Variants in MRPS23 observed in about 807,000 individuals in gnomAD.
MRPS23 encodes mitochondrial ribosomal protein S23.
MRPS23 carries 14 observed loss-of-function variants against 19.8 expected under a neutral mutation model. The ratio of observed to expected loss-of-function variants is 0.71; its 90% confidence interval spans 0.47 to 1.11. The LOEUF is 1.11. MRPS23 is among the 50% of genes least tolerant of loss of function. MRPS23 has a pLI of 0.00. For missense variants in MRPS23, 242 were observed against 236.7 expected (o/e 1.02, Z -0.15); for synonymous variants, 113 against 89.7 (o/e 1.26, Z -1.47).
Position 57,836,395 on chromosome 17 carries a change from A to G in MRPS23, c.*3388T>C, listed in dbSNP as rs551103796. The G allele has an allele frequency of 6.6e-6, 1 of 152,272 alleles. No homozygotes were observed. Among genetic ancestry groups the G allele is most frequent in the Admixed American group, 6.5e-5 (1 of 15,278 alleles). 9.4% of individuals were successfully genotyped at this position (152,272 alleles called of 1,614,324 possible). The stretch of plus-strand genomic sequence containing the variant: ...TGTAGGGGGTTCAGTAAGGGACTTG[A>G]TATTATGTATTTTCCGAGCACAGAC... On this transcript the variant is annotated 3_prime_UTR_variant, in exon 5 of 5. Coordinates refer to ENST00000313608, the MANE Select transcript of MRPS23 (RefSeq NM_016070.4).
At chr17:57,849,741 G>A in intron 1 of MRPS23, 2 of 616,606 alleles carry the variant, frequency 3.2e-6, no homozygotes, top group Non-Finnish European at 5.5e-6. Flanking sequence ...CTCGGGGAGA[G>A]GCAGCTGCAA....
At chr17:57,847,470 G>C (rs1011341280) in intron 2 of MRPS23, among the ~76,000 whole-genome samples, 1 of 151,768 alleles carries the variant, frequency 6.6e-6, no homozygotes, top group African/African-American at 2.4e-5. Flanking sequence ...AGACCATCCT[G>C]GCTAACACGG....
Position 57,843,495 on chromosome 17 carries a change from G to A in MRPS23, c.216-2235C>T, listed in dbSNP as rs1016624263. ...ATTTGGTGGTTGCTATGGACTAAAC[G>A]TGTCCCACCAAAATTACTATGTTGA... On this transcript the variant is annotated intron_variant, in intron 2 of 4. Transcript: ENST00000313608. Among the ~76,000 whole-genome samples, 28 of 152,118 alleles carry A rather than the reference G, an allele frequency of 1.8e-4. 1 individual carries two copies. The highest frequency in any genetic ancestry group is 1.5e-5 in the Non-Finnish European group (1 of 68,022).
At chr17:57,843,813 T>G in intron 2 of MRPS23, among the ~76,000 whole-genome samples, 1 of 152,248 alleles carries the variant, frequency 6.6e-6, no homozygotes, top group Non-Finnish European at 1.5e-5. Flanking sequence ...GTCTCTTTCT[T>G]AATGATTTCT....
At chr17:57,842,897 CA>C (rs2073749705) in intron 2 of MRPS23, among the ~76,000 whole-genome samples, 1 of 129,278 alleles carries the variant, frequency 7.7e-6, no homozygotes, top group South Asian at 2.5e-4. Flanking sequence ...TATATACACA[CA>C]CACACACACA....
chr17:57,839,830 G>A lies in MRPS23; in HGVS notation c.526C>T (p.His176Tyr). The stretch of plus-strand genomic sequence containing the variant: ...GACTGGTCTGCAGGTGCCTCCAAAT[G>A]CTGGTCCTGTGGAACTTCTTTCTGA... ...ETQKEVPQDQ[H>Y]LEAPADQSKG... The change falls in exon 5 of 5, where the codon CAT (histidine) becomes TAT (tyrosine). Residue 176 changes from histidine (H) to tyrosine (Y), a missense_variant. Physicochemically the swap from His to Tyr is moderately conservative, Grantham distance 83. Transcript: ENST00000313608. 6.2e-7 allele frequency: 1 copy of A among 1,614,178 alleles called. No homozygotes were observed. Among genetic ancestry groups the A allele is most frequent in the Non-Finnish European group, 8.5e-7 (1 of 1,180,030 alleles).
chr17:57,846,083 G>T (rs932441640), intron 2 of MRPS23, among the ~76,000 whole-genome samples: 5 of 146,046 alleles, frequency 3.4e-5, no homozygotes, highest in East Asian at 2.0e-4. Context: ...TGACATCTTT[G>T]TTTTTTTTTT....
intron 4 of MRPS23, chr17:57,840,719 C>T (rs2073734957): frequency 4.8e-6 from 2 of 418,670 alleles, no homozygotes; most frequent in Admixed American, 4.3e-5. Context: ...ATAGCATTTA[C>T]AATGTGTTAT....
chr17:57,842,881 T>A (rs943861390), intron 2 of MRPS23, among the ~76,000 whole-genome samples: 6,807 of 64,798 alleles, frequency 0.11, 302 homozygotes, highest in African/African-American at 0.13. Flanking sequence ...AAAAAAAAAA[T>A]ATATATATAT....
At chr17:57,847,046 C>T (rs1244278146) in intron 2 of MRPS23, among the ~76,000 whole-genome samples, 1 of 151,336 alleles carries the variant, frequency 6.6e-6, no homozygotes, top group East Asian at 1.9e-4. Flanking sequence ...ACCTGTAATC[C>T]CAACACTTTG....
intron 2 of MRPS23, among the ~76,000 whole-genome samples, chr17:57,846,233 C>A (rs1289064436): frequency 6.9e-6 from 1 of 144,054 alleles, no homozygotes; most frequent in Non-Finnish European, 1.5e-5. Context: ...TGGCCAGCCG[C>A]CCCGTCCGGG....
Position 57,834,807 on chromosome 17 carries a change from T to C in MRPS23, c.*4976A>G, listed in dbSNP as rs1178318978. On this transcript the variant is annotated 3_prime_UTR_variant, in exon 5 of 5. Coordinates refer to ENST00000313608, the MANE Select transcript of MRPS23 (RefSeq NM_016070.4). ...TTTTAAGTGGCACGCCATCATTTAT[T>C]TACAGAGAAAGGTATCACTTTAACA... 2 of 152,210 alleles carry C rather than the reference T, an allele frequency of 1.3e-5. No individual in the cohort carries two copies. 9.4% of individuals were successfully genotyped at this position (152,210 alleles called of 1,614,324 possible). A position where few individuals can be genotyped will look rare whatever the true frequency, so the allele number is the denominator to read the frequency against.
chr17:57,849,850 C>T (rs2073800488), intron 1 of MRPS23, 117 bp downstream of exon 1: 2 of 1,282,256 alleles, frequency 1.6e-6, no homozygotes, highest in African/African-American at 1.5e-5. Flanking sequence ...CAGCTCAGCC[C>T]CCGCACCCTG....
At chr17:57,844,294 C>A (rs1391261695) in intron 2 of MRPS23, among the ~76,000 whole-genome samples, 1 of 150,456 alleles carries the variant, frequency 6.6e-6, no homozygotes, top group Non-Finnish European at 1.5e-5. Context: ...CATGCACAAC[C>A]ACTCTATAAG....
chr17:57,846,389 C>T (rs2073775833), intron 2 of MRPS23, among the ~76,000 whole-genome samples: 1 of 152,202 alleles, frequency 6.6e-6, no homozygotes, highest in African/African-American at 2.4e-5. Context: ...AGCCCCTCTG[C>T]CCGGCCGCCA....
At chr17:57,841,888 A>C (rs577955601) in intron 2 of MRPS23, among the ~76,000 whole-genome samples, 128 of 152,382 alleles carry the variant, frequency 8.4e-4, no homozygotes, top group Non-Finnish European at 1.5e-3. Flanking sequence ...CAGAGGTTGC[A>C]GTAAGTGGAG....
intron 1 of MRPS23, 137 bp downstream of exon 1, chr17:57,849,830 G>T: frequency 1.0e-6 from 1 of 998,436 alleles, no homozygotes. Context: ...AAACATGAGA[G>T]GGCCTCACCC....
chr17:57,847,458 T>C (rs1249513567), intron 2 of MRPS23, among the ~76,000 whole-genome samples: 1 of 151,792 alleles, frequency 6.6e-6, no homozygotes, highest in Non-Finnish European at 1.5e-5. Flanking sequence ...GTCAGGAGAT[T>C]GAGACCATCC....
chr17:57,844,640 A>C (rs898863664), intron 2 of MRPS23, among the ~76,000 whole-genome samples: 1 of 149,732 alleles, frequency 6.7e-6, no homozygotes, highest in African/African-American at 2.4e-5. Context: ...CCGTGGTGAC[A>C]CATGCCTGTA....
Sources: allele counts gnomAD v4.1 joint callset (sites outside exome capture counted in the v4.1 genomes callset), GRCh38; gene constraint gnomAD v4.1.1; transcripts MANE v1.5; gene names NCBI Gene and HGNC (gene_info 2026-07-23, HGNC 2026-07-21).